STX8: variants seen among roughly 807,000 people sequenced by gnomAD.
STX8 encodes the protein syntaxin 8, also known as syntaxin-8.
Under a neutral mutation model 37.5 loss-of-function variants are expected in STX8, and 23 were observed. The observed-to-expected ratio is 0.61, with a 90% CI of 0.44 to 0.87. The LOEUF (loss-of-function observed/expected upper bound fraction) is 0.87. Among genes scored for constraint, STX8 ranks in the 40% least tolerant of loss-of-function variants. The pLI is 0.00. For synonymous variants in STX8, 115 were observed against 99.1 expected (o/e 1.16, Z -0.95); for missense variants, 313 against 284.7 (o/e 1.10, Z -0.71).
At chr17:9,571,325 G>C (rs983606133) in intron 1 of STX8, among the ~76,000 whole-genome samples, 1 of 152,108 alleles carries the variant, frequency 6.6e-6, no homozygotes, top group African/African-American at 2.4e-5. Context: ...AACTGGTATG[G>C]GGTTTGTCCT....
At chr17:9,308,258 C>A (rs1014028704) in intron 7 of STX8, among the ~76,000 whole-genome samples, 7 of 152,180 alleles carry the variant, frequency 4.6e-5, no homozygotes, top group Non-Finnish European at 1.0e-4. Flanking sequence ...TCCTTCCTCC[C>A]GGGGATAGGG....
chr17:9,410,108 C>T (rs1380898472), intron 6 of STX8, among the ~76,000 whole-genome samples: 1 of 152,226 alleles, frequency 6.6e-6, no homozygotes, highest in East Asian at 1.9e-4. Context: ...CTGTTGCTCC[C>T]TCCACCTTCA....
intron 4 of STX8, among the ~76,000 whole-genome samples, chr17:9,527,864 C>G (rs1905641974): frequency 6.6e-6 from 1 of 152,138 alleles, no homozygotes; most frequent in African/African-American, 2.4e-5. Flanking sequence ...TCCCAGTAAC[C>G]CCACTTTGAG....
intron 6 of STX8, among the ~76,000 whole-genome samples, chr17:9,417,217 G>A (rs982754880): frequency 2.9e-4 from 44 of 152,270 alleles, no homozygotes; most frequent in South Asian, 8.3e-4. Flanking sequence ...CTGCAATAAC[G>A]CTGTCTCAGT....
chr17:9,336,390 T>C (rs1282202509), intron 7 of STX8, among the ~76,000 whole-genome samples: 1 of 151,802 alleles, frequency 6.6e-6, no homozygotes, highest in African/African-American at 2.4e-5. Context: ...CCTTTCTTTC[T>C]CCCCTTCCCC....
intron 6 of STX8, among the ~76,000 whole-genome samples, chr17:9,481,217 T>C (rs1475084049): frequency 6.6e-6 from 1 of 152,056 alleles, no homozygotes; most frequent in East Asian, 1.9e-4. Context: ...GCTTGACCCA[T>C]AAAGTGCCTC....
In STX8 at chr17:9,448,174, C is replaced by CAAA. The variant is rs71930141; in HGVS notation, c.541+43652_541+43654dup. On this transcript the variant is annotated intron_variant, in intron 6 of 7. Coordinates refer to ENST00000306357, the MANE Select transcript of STX8 (RefSeq NM_004853.3). ...TGGGCAACAGAATGAGACTCCATCT[C>CAAA]AAAAAAAAAAAAAAAGTTTGATCCT... Among the ~76,000 whole-genome samples, 412 of 140,290 alleles carry CAAA rather than the reference C, an allele frequency of 2.9e-3. 2 individuals are homozygous for CAAA. The highest frequency in any genetic ancestry group is 9.1e-3 in the African/African-American group (344 of 37,726). 92.0% of individuals were successfully genotyped at this position (140,290 alleles called of 152,430 possible).
intron 4 of STX8, among the ~76,000 whole-genome samples, chr17:9,506,865 A>T (rs1258271792): frequency 2.0e-5 from 3 of 151,922 alleles, no homozygotes; most frequent in African/African-American, 7.3e-5. Context: ...CTCCCTCTGG[A>T]GTGTGCCTTC....
At chr17:9,345,994 G>GT in intron 7 of STX8, among the ~76,000 whole-genome samples, 1 of 151,534 alleles carries the variant, frequency 6.6e-6, no homozygotes, top group Non-Finnish European at 1.5e-5. Flanking sequence ...TGGAATTACA[G>GT]GCACACGCCA....
chr17:9,252,292 A>G (rs1906612434), intron 7 of STX8, among the ~76,000 whole-genome samples: 4 of 152,274 alleles, frequency 2.6e-5, no homozygotes. Context: ...AAAGTACAAA[A>G]AATTAGCCTG....
At chr17:9,497,523 G>A (rs1169254145) in intron 5 of STX8, among the ~76,000 whole-genome samples, 1 of 152,214 alleles carries the variant, frequency 6.6e-6, no homozygotes, top group Non-Finnish European at 1.5e-5. Flanking sequence ...GCATATACAT[G>A]TGAACAGATT....
At chr17:9,471,031 CTTTTTTT>C (rs757411419) in intron 6 of STX8, among the ~76,000 whole-genome samples, 9 of 33,054 alleles carry the variant, frequency 2.7e-4, no homozygotes, top group South Asian at 2.0e-3. Flanking sequence ...CTGCATCCTG[CTTTTTTT>C]TTTTTTTTTT....
rs535134943 is a variant in STX8 at position 9,470,951 on chromosome 17, T to A, written c.541+20878A>T. 4.3e-3 allele frequency among the ~76,000 whole-genome samples: 643 copies of A among 150,246 alleles called. 4 individuals carry two copies. Among genetic ancestry groups the A allele is most frequent in the African/African-American group, 0.012 (511 of 40,930 alleles). ...GGTTTCACTGTGTTAGCCAGGATGG[T>A]CTCAATCTCCTGACCTCGTGATCCA... is the stretch of plus-strand genomic sequence containing the variant. On this transcript the variant is annotated intron_variant, in intron 6 of 7. Transcript: ENST00000306357.
chr17:9,454,706 A>G (rs1041312335), intron 6 of STX8, among the ~76,000 whole-genome samples: 1 of 151,312 alleles, frequency 6.6e-6, no homozygotes, highest in Admixed American at 6.6e-5. Context: ...AAACTTATGA[A>G]TTGTTTTTCC....
rs564697097 is a variant in STX8 at position 9,544,982 on chromosome 17, G to A, written c.323+190C>T. The stretch of plus-strand genomic sequence containing the variant: ...TGCACTCCAGCCTGGGTGACAGAGC[G>A]AGACTCTGTCTCAAACAAACAAACA... On this transcript the variant is annotated intron_variant, in intron 4 of 7. Transcript: ENST00000306357. 2.6e-5 allele frequency among the ~76,000 whole-genome samples: 4 copies of A among 152,224 alleles called. No individual in the cohort carries two copies. The South Asian group carries it at 6.2e-4, about 24-fold the overall frequency.
intron 7 of STX8, among the ~76,000 whole-genome samples, chr17:9,274,714 T>TAATAATAATAAA (rs1555586583): frequency 1.2e-5 from 1 of 85,000 alleles, no homozygotes; most frequent in African/African-American, 3.8e-5. Flanking sequence ...ATAATAATAA[T>TAATAATAATAAA]AAACAAAGTC....
intron 4 of STX8, among the ~76,000 whole-genome samples, chr17:9,524,893 G>A (rs890920024): frequency 2.0e-5 from 3 of 150,164 alleles, no homozygotes; most frequent in African/African-American, 7.4e-5. Flanking sequence ...CTGCAACCTC[G>A]GCCTCCTGGG....
intron 7 of STX8, among the ~76,000 whole-genome samples, chr17:9,362,989 A>G (rs956596695): frequency 6.6e-6 from 1 of 152,198 alleles, no homozygotes; most frequent in Non-Finnish European, 1.5e-5. Context: ...CATGTATTTA[A>G]CTTGATGCGG....
In STX8 at chr17:9,527,035, C is replaced by T. The variant is rs573618794; in HGVS notation, c.323+18137G>A. On this transcript the variant is annotated intron_variant, in intron 4 of 7. Transcript: ENST00000306357. The stretch of plus-strand genomic sequence containing the variant: ...TCTACTAAAAATACAAAAAATTAGC[C>T]GGGCGCGGTGGCGGGCGCCTGTAGT... Among the ~76,000 whole-genome samples the T allele has an allele frequency of 9.4e-3, 1,390 of 147,648 alleles. 22 individuals carry two copies. Among genetic ancestry groups the T allele is most frequent in the African/African-American group, 0.033 (1,317 of 40,092 alleles).
Sources: gnomAD v4.1 joint callset for allele counts (sites outside exome capture counted in the v4.1 genomes callset) on GRCh38, gnomAD v4.1.1 for gene constraint, MANE v1.5 for transcripts, NCBI Gene and HGNC (gene_info 2026-07-23, HGNC 2026-07-21) for gene names.